The following CDC42EP2 variants were observed in gnomAD, a reference collection of about 807,000 sequenced individuals.
The protein encoded by CDC42EP2 is CDC42 effector protein 2.
CDC42EP2 carries 5 observed loss-of-function variants against 7.3 expected under a neutral mutation model. The ratio of observed to expected loss-of-function variants is 0.68; its 90% CI spans 0.36 to 1.44. The LOEUF (loss-of-function observed/expected upper bound fraction) is 1.44. Ranked by LOEUF, CDC42EP2 falls within the 40% of genes most tolerant of loss-of-function variation. The pLI, the probability that CDC42EP2 is intolerant of heterozygous loss-of-function variation, is 0.04. For missense variants in CDC42EP2, 251 were observed against 282.6 expected (o/e 0.89, Z 0.80); for synonymous variants, 113 against 123.6 (o/e 0.91, Z 0.57).
intron 1 of CDC42EP2, among the ~76,000 whole-genome samples, chr11:65,316,501 C>G (rs1319373696): frequency 6.6e-6 from 1 of 152,142 alleles, no homozygotes; most frequent in Non-Finnish European, 1.5e-5. Context: ...CCCTTTCTCT[C>G]CCGCTCCCCA....
Position 65,322,211 on chromosome 11 carries a change from C to T in CDC42EP2, c.*680C>T, listed in dbSNP as rs1297805068. ...GGGCTTTGTGGAGGACAGGCCTTGC[C>T]CTCAAGAACGTCGTACCTGACGCTG... On this transcript the variant is annotated 3_prime_UTR_variant, in exon 2 of 2. Transcript: ENST00000279249. 6.0e-6 allele frequency: 1 copy of T among 167,002 alleles called. No homozygotes were observed. The highest frequency in any genetic ancestry group is 1.9e-4 in the East Asian group (1 of 5,196). 10.3% of individuals were successfully genotyped at this position (167,002 alleles called of 1,614,324 possible). A position where few individuals can be genotyped will look rare whatever the true frequency, so the allele number is the denominator to read the frequency against.
rs969022674 is a variant in CDC42EP2 at position 65,321,653 on chromosome 11, T to G, written c.*122T>G. 1.1e-5 allele frequency: 10 copies of G among 915,782 alleles called. No homozygotes were observed. Among genetic ancestry groups the G allele is most frequent in the Non-Finnish European group, 1.7e-5 (10 of 597,856 alleles). The allele number at this position is 915,782 out of a possible 1,614,324, so 56.7% of individuals were successfully genotyped here. A position where few individuals can be genotyped will look rare whatever the true frequency, so the allele number is the denominator to read the frequency against. The stretch of plus-strand genomic sequence containing the variant: ...CACCTGTATGGTCGCTGGCCAGTGA[T>G]TCTCCTTCTGAGCCGTGTTTCCCCT... On this transcript the variant is annotated 3_prime_UTR_variant, in exon 2 of 2. Coordinates refer to ENST00000279249, the MANE Select transcript of CDC42EP2 (RefSeq NM_006779.4). The surrounding 1 kb of genome is among the most constrained non-coding windows in gnomAD (Gnocchi z 4.4).
chr11:65,320,448 G>A (rs1949968227), intron 1 of CDC42EP2, 96 bp from the exon 2 acceptor site: 1 of 161,424 alleles, frequency 6.2e-6, no homozygotes, highest in African/African-American at 2.4e-5. Flanking sequence ...TCCAGCCTGG[G>A]TGACACAGTG....
intron 1 of CDC42EP2, among the ~76,000 whole-genome samples, chr11:65,316,298 G>A (rs1461778024): frequency 1.3e-5 from 2 of 152,170 alleles, no homozygotes; most frequent in Non-Finnish European, 2.9e-5. Context: ...CAATCACAGA[G>A]AGCTAGGATG....
chr11:65,316,156 C>T (rs1185867291), intron 1 of CDC42EP2, among the ~76,000 whole-genome samples: 1 of 152,096 alleles, frequency 6.6e-6, no homozygotes, highest in Non-Finnish European at 1.5e-5. Flanking sequence ...CCAGGTGGAG[C>T]TGGATTTAAG....
chr11:65,317,294 C>T (rs1949952410), intron 1 of CDC42EP2: 1 of 152,278 alleles, frequency 6.6e-6, no homozygotes, highest in South Asian at 2.1e-4. Flanking sequence ...GTGTCCGGTC[C>T]TGGGGTGGGG....
At chr11:65,318,725 A>C (rs1265410824) in intron 1 of CDC42EP2, among the ~76,000 whole-genome samples, 3 of 149,548 alleles carry the variant, frequency 2.0e-5, no homozygotes, top group Non-Finnish European at 4.4e-5. Context: ...GCCCGGCCTA[A>C]CACCTGGCTA....
rs1242362832 is a variant in CDC42EP2 at position 65,315,997 on chromosome 11, G to C, written c.-356+1043G>C. The stretch of plus-strand genomic sequence containing the variant: ...AACCTACAGTGACCCGCTGAACCCC[G>C]CTATTGTACATTGGCGCTCTCACCT... On this transcript the variant is annotated intron_variant, in intron 1 of 1. Coordinates refer to ENST00000279249, the MANE Select transcript of CDC42EP2 (RefSeq NM_006779.4). This position sits in a 1 kb window ranked among gnomAD's most constrained non-coding sequence, Gnocchi z 4.1. 6.6e-6 allele frequency among the ~76,000 whole-genome samples: 1 copy of C among 152,218 alleles called. No homozygotes were observed. Among genetic ancestry groups the C allele is most frequent in the African/African-American group, 2.4e-5 (1 of 41,462 alleles).
At chr11:65,319,858 T>G (rs1949965440) in intron 1 of CDC42EP2, among the ~76,000 whole-genome samples, 1 of 152,210 alleles carries the variant, frequency 6.6e-6, no homozygotes, top group South Asian at 2.1e-4. Context: ...AATCTGGCAC[T>G]TACATTGTGG....
Position 65,315,879 on chromosome 11 carries a change from C to T in CDC42EP2, c.-356+925C>T, listed in dbSNP as rs955857593. ...AGGTGGACGCCTGGGGTCAGGAGCCCTTCGTTTTTGCTATTGTTCAAAGCA... is the reference window on the plus strand; with the variant it reads ...AGGTGGACGCCTGGGGTCAGGAGCCTTTCGTTTTTGCTATTGTTCAAAGCA... On this transcript the variant is annotated intron_variant, in intron 1 of 1. Transcript: ENST00000279249. This position sits in a 1 kb window ranked among gnomAD's most constrained non-coding sequence, Gnocchi z 4.1. Among the ~76,000 whole-genome samples the T allele has an allele frequency of 6.6e-6, 1 of 152,190 alleles. No homozygotes were observed.
Position 65,320,703 on chromosome 11 carries a change from G to C in CDC42EP2, c.-196G>C. ...GTTATCTCAGCCCACTGACTTCATTGATCTCTAATCTTTTTTAATTCCTTG... is the reference window on the plus strand; with the variant it reads ...GTTATCTCAGCCCACTGACTTCATTCATCTCTAATCTTTTTTAATTCCTTG... On this transcript the variant is annotated 5_prime_UTR_variant, in exon 2 of 2. Coordinates refer to ENST00000279249, the MANE Select transcript of CDC42EP2 (RefSeq NM_006779.4). 1 of 581,086 alleles carries C rather than the reference G, an allele frequency of 1.7e-6. No homozygotes were observed. Among genetic ancestry groups the C allele is most frequent in the South Asian group, 2.3e-5 (1 of 44,264 alleles). 36.0% of individuals were successfully genotyped at this position (581,086 alleles called of 1,614,324 possible). A position where few individuals can be genotyped will look rare whatever the true frequency, so the allele number is the denominator to read the frequency against.
At chr11:65,319,823 C>T (rs1949965240) in intron 1 of CDC42EP2, among the ~76,000 whole-genome samples, 1 of 152,222 alleles carries the variant, frequency 6.6e-6, no homozygotes, top group South Asian at 2.1e-4. Context: ...AGTAGGGAGT[C>T]AAGGCCATTT....
Position 65,320,824 on chromosome 11 carries a change from C to G in CDC42EP2, c.-75C>G, listed in dbSNP as rs1949970043. 2.7e-6 allele frequency: 4 copies of G among 1,472,008 alleles called. No individual in the cohort carries two copies. Among genetic ancestry groups the G allele is most frequent in the Non-Finnish European group, 3.7e-6 (4 of 1,087,150 alleles). 91.2% of individuals were successfully genotyped at this position (1,472,008 alleles called of 1,614,324 possible). Reference sequence around the variant, plus strand: ...CCCGTGGAACGAGTGTTTCCTCTGGCTGAGGGTTGGAGAGGAGGTGTGGTC... The same window carrying G: ...CCCGTGGAACGAGTGTTTCCTCTGGGTGAGGGTTGGAGAGGAGGTGTGGTC... On this transcript the variant is annotated 5_prime_UTR_variant, in exon 2 of 2. Transcript: ENST00000279249.
chr11:65,320,730 G>A lies in CDC42EP2; in HGVS notation c.-169G>A, dbSNP rs1590921672. On this transcript the variant is annotated 5_prime_UTR_variant, in exon 2 of 2. Coordinates refer to ENST00000279249, the MANE Select transcript of CDC42EP2 (RefSeq NM_006779.4). ...TCTCTAATCTTTTTTAATTCCTTGG[G>A]CCAACTTTGTTCGTGCCCCCACACT... 4.8e-6 allele frequency: 3 copies of A among 626,244 alleles called. No homozygotes were observed. Among genetic ancestry groups the A allele is most frequent in the East Asian group, 5.5e-5 (2 of 36,062 alleles). The allele number at this position is 626,244 out of a possible 1,614,324, so 38.8% of individuals were successfully genotyped here.
intron 1 of CDC42EP2, among the ~76,000 whole-genome samples, chr11:65,316,726 G>C (rs1282210017): frequency 6.6e-6 from 1 of 152,142 alleles, no homozygotes; most frequent in Non-Finnish European, 1.5e-5. Flanking sequence ...TGGATCCTAG[G>C]GTCTTGCAGT....
Position 65,321,735 on chromosome 11 carries a change from A to G in CDC42EP2, c.*204A>G, listed in dbSNP as rs982541401. 3 of 577,658 alleles carry G rather than the reference A, an allele frequency of 5.2e-6. No homozygotes were observed. Among genetic ancestry groups the G allele is most frequent in the Non-Finnish European group, 9.5e-6 (3 of 317,422 alleles). The allele number at this position is 577,658 out of a possible 1,614,324, so 35.8% of individuals were successfully genotyped here. A position where few individuals can be genotyped will look rare whatever the true frequency, so the allele number is the denominator to read the frequency against. Reference sequence around the variant, plus strand: ...CCCATCGCTTTCCTCTGATAACCACATGGACACATCCTGAAGTCAGCCCAG... The same window carrying G: ...CCCATCGCTTTCCTCTGATAACCACGTGGACACATCCTGAAGTCAGCCCAG... On this transcript the variant is annotated 3_prime_UTR_variant, in exon 2 of 2. Transcript: ENST00000279249. The surrounding 1 kb of genome is among the most constrained non-coding windows in gnomAD (Gnocchi z 4.4).
At position 65,321,383 on chromosome 11, in the gene CDC42EP2, G is replaced by A; in HGVS notation, c.485G>A (p.Gly162Glu). 1 of 1,613,766 alleles carries A rather than the reference G, an allele frequency of 6.2e-7. No individual in the cohort carries two copies. Among genetic ancestry groups the A allele is most frequent in the African/African-American group, 1.3e-5 (1 of 75,050 alleles). Residue 162 changes from glycine (G) to glutamate (E), a missense_variant, in exon 2 of 2, where the codon GGA (glycine) becomes GAA (glutamate). Gly to Glu is a moderately conservative substitution (Grantham distance 98). Transcript: ENST00000279249. The surrounding 1 kb of genome is among the most constrained non-coding windows in gnomAD (Gnocchi z 4.4). ...RIPETGSPNS[G>E]LTPESGAEEP... is the part of the protein sequence containing the mutation. ...CCAGAGACTGGCTCCCCCAACAGTG[G>A]ACTGACCCCGGAGTCAGGGGCCGAG...
intron 1 of CDC42EP2, chr11:65,317,017 GC>G (rs201625416): frequency 2.0e-5 from 3 of 152,138 alleles, no homozygotes; most frequent in Non-Finnish European, 2.9e-5. Flanking sequence ...AGGAAGACAA[GC>G]CCCCCCCAGG....
At chr11:65,317,097 C>A (rs570646804) in intron 1 of CDC42EP2, 3 of 152,314 alleles carry the variant, frequency 2.0e-5, no homozygotes, top group East Asian at 3.8e-4. Context: ...ATGGTTGACA[C>A]AGGATGAATG....
Sources: gnomAD v4.1 joint callset for allele counts (sites outside exome capture counted in the v4.1 genomes callset) on GRCh38, gnomAD v4.1.1 for gene constraint, Gnocchi (gnomAD v3.1) non-coding constraint, MANE v1.5 for transcripts, NCBI Gene and HGNC (gene_info 2026-07-23, HGNC 2026-07-21) for gene names.